Variants in NAV3 observed in about 807,000 individuals in gnomAD.
NAV3 encodes the protein pore membrane and/or filament interacting like protein 1.
A neutral mutation model predicts 244.7 loss-of-function variants in NAV3; 87 were observed. The observed-to-expected ratio is 0.36, with a 90% CI of 0.30 to 0.42. The LOEUF is 0.42. Among genes scored for constraint, NAV3 ranks in the 20% least tolerant of loss-of-function variants. The pLI, the probability that NAV3 is intolerant of heterozygous loss-of-function variation, is 1.00. For synonymous variants in NAV3, 1,126 were observed against 1,042.2 expected, an observed-to-expected ratio of 1.08 and a Z score of -1.55; for missense variants, 2,663 against 2,893.3, an observed-to-expected ratio of 0.92 and a Z score of 1.83.
intron 1 of NAV3, among the ~76,000 whole-genome samples, chr12:77,907,775 C>T (rs190410560): frequency 1.3e-5 from 2 of 152,180 alleles, no homozygotes; most frequent in Admixed American, 6.6e-5. Context: ...AGACTAAACA[C>T]CTAAGAGCAA....
chr12:78,194,675 G>A (rs1014478942), intron 34 of NAV3, among the ~76,000 whole-genome samples: 1 of 151,970 alleles, frequency 6.6e-6, no homozygotes, highest in East Asian at 1.9e-4. Flanking sequence ...GATGTCCAGC[G>A]ATCTTACTAA....
intron 1 of NAV3, among the ~76,000 whole-genome samples, chr12:77,917,439 G>A (rs1887259695): frequency 6.6e-6 from 1 of 152,020 alleles, no homozygotes; most frequent in Admixed American, 6.6e-5. Context: ...AGAAATGGAT[G>A]AAATACACAT....
At chr12:77,774,761 A>G (rs1480210608) in intron 2 of NAV3, among the ~76,000 whole-genome samples, 2 of 152,136 alleles carry the variant, frequency 1.3e-5, no homozygotes, top group African/African-American at 4.8e-5. Flanking sequence ...TCTGATTAAC[A>G]TGGGCTGGCG....
intron 2 of NAV3, among the ~76,000 whole-genome samples, chr12:77,761,727 A>T (rs1869475333): frequency 6.6e-6 from 1 of 152,248 alleles, no homozygotes; most frequent in Admixed American, 6.5e-5. Flanking sequence ...CCACAAGGAG[A>T]TACCATCTCA....
At chr12:78,093,128 C>G (rs957330526) in intron 12 of NAV3, among the ~76,000 whole-genome samples, 2 of 152,120 alleles carry the variant, frequency 1.3e-5, no homozygotes, top group Non-Finnish European at 2.9e-5. Flanking sequence ...AATGAGTTAA[C>G]AATATACAAT....
intron 9 of NAV3, among the ~76,000 whole-genome samples, chr12:78,029,165 G>C (rs2136932494): frequency 7.1e-6 from 1 of 140,542 alleles, no homozygotes; most frequent in Non-Finnish European, 1.5e-5. Flanking sequence ...AATGGTGTCT[G>C]ACCCTACCTA....
At chr12:78,173,178 C>T (rs538309139) in intron 24 of NAV3, among the ~76,000 whole-genome samples, 2 of 151,560 alleles carry the variant, frequency 1.3e-5, no homozygotes, top group African/African-American at 4.8e-5. Flanking sequence ...GAATTAAATA[C>T]TTACAAGCAC....
intron 11 of NAV3, among the ~76,000 whole-genome samples, chr12:78,052,911 A>AAT (rs2137295660): frequency 6.6e-6 from 1 of 152,090 alleles, no homozygotes; most frequent in African/African-American, 2.4e-5. Context: ...ATACCCATAT[A>AAT]ATATATATAA....
chr12:78,089,738 C>T (rs1026605147), intron 12 of NAV3, among the ~76,000 whole-genome samples: 14 of 152,092 alleles, frequency 9.2e-5, no homozygotes, highest in African/African-American at 3.4e-4. Context: ...TTGTGATAGC[C>T]AGTATACATC....
At chr12:77,976,422 G>A (rs1367677308) in intron 5 of NAV3, among the ~76,000 whole-genome samples, 2 of 152,070 alleles carry the variant, frequency 1.3e-5, no homozygotes, top group East Asian at 1.9e-4. Flanking sequence ...TAGAGATCAA[G>A]GAGATGGCAA....
At chr12:77,993,830 A>G (rs1226629421) in intron 5 of NAV3, among the ~76,000 whole-genome samples, 1 of 152,058 alleles carries the variant, frequency 6.6e-6, no homozygotes, top group Non-Finnish European at 1.5e-5. Flanking sequence ...AAAACTGTGC[A>G]TGCACAGCAA....
At chr12:77,746,850 A>AT in intron 2 of NAV3, among the ~76,000 whole-genome samples, 1 of 152,164 alleles carries the variant, frequency 6.6e-6, no homozygotes, top group Middle Eastern at 3.4e-3. Context: ...ACAATGGCTT[A>AT]TTTTTCCTGT....
intron 12 of NAV3, among the ~76,000 whole-genome samples, chr12:78,078,286 T>C (rs977057675): frequency 6.7e-6 from 1 of 149,862 alleles, no homozygotes; most frequent in Non-Finnish European, 1.5e-5. Flanking sequence ...ATTCAACCGA[T>C]AACATTCTCA....
At chr12:78,130,803 T>A (rs1956130984) in intron 18 of NAV3, 1 of 165,490 alleles carries the variant, frequency 6.0e-6, no homozygotes, top group African/African-American at 2.4e-5. Flanking sequence ...CTTCTCCCGA[T>A]AGCTCCTTTG....
chr12:77,599,675 C>G (rs1483201246), intron 2 of NAV3, among the ~76,000 whole-genome samples: 1 of 151,376 alleles, frequency 6.6e-6, no homozygotes, highest in Non-Finnish European at 1.5e-5. Flanking sequence ...TTTTTATCAT[C>G]AGTTATCATA....
intron 2 of NAV3, among the ~76,000 whole-genome samples, chr12:77,824,241 A>ATTTTTTTTTTTTTTTTTTTTTT (rs61710960): frequency 1.9e-5 from 2 of 104,902 alleles, no homozygotes; most frequent in Non-Finnish European, 3.6e-5. Context: ...GCCCAACTAA[A>ATTTTTTTTTTTTTTTTTTTTTT]TTTTTTTTTT....
At chr12:77,932,742 T>A (rs1350317948) in intron 1 of NAV3, among the ~76,000 whole-genome samples, 1 of 152,170 alleles carries the variant, frequency 6.6e-6, no homozygotes, top group Non-Finnish European at 1.5e-5. Context: ...AAATAAACTT[T>A]CACCTAAAAA....
At chr12:77,807,893 A>G (rs1323693204) in intron 2 of NAV3, among the ~76,000 whole-genome samples, 1 of 151,772 alleles carries the variant, frequency 6.6e-6, no homozygotes, top group Non-Finnish European at 1.5e-5. Flanking sequence ...TTTTTTCTCT[A>G]ATCTTGTCTT....
chr12:77,720,793 C>A (rs1449359754), intron 2 of NAV3, among the ~76,000 whole-genome samples: 1 of 152,082 alleles, frequency 6.6e-6, no homozygotes, highest in Non-Finnish European at 1.5e-5. Context: ...AGCCTCTTAA[C>A]TGGTTTCTGG....
Sources: allele counts gnomAD v4.1 joint callset (sites outside exome capture counted in the v4.1 genomes callset), GRCh38; gene constraint gnomAD v4.1.1; transcripts MANE v1.5; gene names NCBI Gene and HGNC (gene_info 2026-07-23, HGNC 2026-07-21).